The following ASAP1 variants were observed in gnomAD, a reference collection of about 807,000 sequenced individuals.
The protein encoded by ASAP1 is arf-GAP with SH3 domain, ANK repeat and PH domain-containing protein 1.
A neutral mutation model predicts 145.2 loss-of-function variants in ASAP1; 43 were observed. The ratio of observed to expected loss-of-function variants is 0.30; its 90% CI spans 0.23 to 0.38. The LOEUF is 0.38. Among genes scored for constraint, ASAP1 ranks in the 10% least tolerant of loss-of-function variants. The pLI is 1.00. For missense variants in ASAP1, 1,018 were observed against 1,355.3 expected (o/e 0.75, Z 3.91); for synonymous variants, 546 against 515.5 (o/e 1.06, Z -0.80).
In ASAP1 at chr8:130,358,169, G is replaced by A. The variant is rs760643749; in HGVS notation, c.60-26C>T. On this transcript the variant is annotated intron_variant, in intron 2 of 29. Coordinates refer to ENST00000518721, the MANE Select transcript of ASAP1 (RefSeq NM_018482.4). The surrounding 1 kb of genome is among the most constrained non-coding windows in gnomAD (Gnocchi z 4.1). Reference sequence around the variant, plus strand: ...CTGCCGGGAGGGACGAGACACAAGCGGGGGCGGGGGGTGAGTCACGGCGCA... The same window carrying A: ...CTGCCGGGAGGGACGAGACACAAGCAGGGGCGGGGGGTGAGTCACGGCGCA... 3.4e-5 allele frequency: 54 copies of A among 1,582,460 alleles called. No homozygotes were observed. In the Admixed American group the frequency reaches 8.8e-4, roughly 26 times the overall value.
chr8:130,367,269 G>A (rs1827002654), intron 2 of ASAP1, among the ~76,000 whole-genome samples: 1 of 152,108 alleles, frequency 6.6e-6, no homozygotes, highest in Non-Finnish European at 1.5e-5. Context: ...TATGTAGGCA[G>A]AGATACTGGT....
At chr8:130,236,861 T>C (rs1264838525) in intron 4 of ASAP1, 61 bp downstream of exon 4, 6 of 1,230,412 alleles carry the variant, frequency 4.9e-6, no homozygotes, top group Non-Finnish European at 6.8e-6. Flanking sequence ...TTTAAATAAC[T>C]AACAAAACTC....
chr8:130,054,642 C>T lies in ASAP1; in HGVS notation c.*89G>A, dbSNP rs1244946590. On this transcript the variant is annotated 3_prime_UTR_variant, in exon 30 of 30. Transcript: ENST00000518721. Reference sequence around the variant, plus strand: ...CTTCCATGAGTTTCTTACTCTGTAACAGCAGCTATATACACACTGTGCCCA... The same window carrying T: ...CTTCCATGAGTTTCTTACTCTGTAATAGCAGCTATATACACACTGTGCCCA... 2 of 1,115,502 alleles carry T rather than the reference C, an allele frequency of 1.8e-6. No individual in the cohort carries two copies. Among genetic ancestry groups the T allele is most frequent in the Admixed American group, 3.4e-5 (2 of 58,106 alleles). 69.1% of individuals were successfully genotyped at this position (1,115,502 alleles called of 1,614,324 possible).
intron 3 of ASAP1, among the ~76,000 whole-genome samples, chr8:130,353,977 C>G (rs1449013629): frequency 2.0e-5 from 3 of 152,102 alleles, no homozygotes; most frequent in African/African-American, 7.2e-5. Flanking sequence ...AGCTCCGTCT[C>G]CCGGGTTCAT....
chr8:130,163,341 C>T (rs543380714), intron 11 of ASAP1, among the ~76,000 whole-genome samples: 174 of 152,256 alleles, frequency 1.1e-3, no homozygotes, highest in Non-Finnish European at 2.2e-3. Flanking sequence ...TAAGACGTTC[C>T]TTATATATTT....
At chr8:130,390,848 T>G (rs1586959326) in intron 2 of ASAP1, among the ~76,000 whole-genome samples, 2 of 151,932 alleles carry the variant, frequency 1.3e-5, no homozygotes, top group East Asian at 3.9e-4. Context: ...GTACAGAATG[T>G]AAAATGGAAA....
At position 130,060,075 on chromosome 8, in the gene ASAP1, C is replaced by CAAAAA. The variant is rs55875346; in HGVS notation, c.3192+499_3192+503dup. On this transcript the variant is annotated intron_variant, in intron 28 of 29. Transcript: ENST00000518721. ...CCTGGGCGACAGAGCGAGCCCTTCT[C>CAAAAA]AAAAAAAAAAAAAAAAAAAAAAAAA... Among the ~76,000 whole-genome samples, 51 of 95,898 alleles carry CAAAAA rather than the reference C, an allele frequency of 5.3e-4. 1 individual carries two copies. The highest frequency in any genetic ancestry group is 1.6e-3 in the African/African-American group (40 of 25,338). The allele number at this position is 95,898 out of a possible 152,430, so 62.9% of individuals were successfully genotyped here.
At chr8:130,074,356 T>C (rs549690652) in intron 27 of ASAP1, among the ~76,000 whole-genome samples, 2 of 151,934 alleles carry the variant, frequency 1.3e-5, no homozygotes, top group East Asian at 3.9e-4. Context: ...AGTATGTGGG[T>C]GTGGTGGAGG....
At chr8:130,182,552 A>T (rs1419051080) in intron 7 of ASAP1, among the ~76,000 whole-genome samples, 2 of 152,198 alleles carry the variant, frequency 1.3e-5, no homozygotes, top group Non-Finnish European at 2.9e-5. Context: ...TAAAACTTGA[A>T]ACCTAAAAAG....
At chr8:130,372,042 T>G (rs144160367) in intron 2 of ASAP1, among the ~76,000 whole-genome samples, 1 of 152,352 alleles carries the variant, frequency 6.6e-6, no homozygotes, top group Non-Finnish European at 1.5e-5. Flanking sequence ...GGCTTAGGGA[T>G]CCTACTGAAT....
chr8:130,124,096 C>T lies in ASAP1; in HGVS notation c.1524G>A (p.Lys508=). The T allele has an allele frequency of 6.2e-7, 1 of 1,602,182 alleles. No homozygotes were observed. The highest frequency in any genetic ancestry group is 8.5e-7 in the Non-Finnish European group (1 of 1,176,724). ...CATTAAAACTATTGTTTCCTACATT[C>T]TTGGCCAGCTGTAACAGAAAAAACA... The part of the protein sequence containing the change: ...KLGTSELLLA[K]NVGNNSFNDI... Residue 508 remains lysine (K), a synonymous_variant, in exon 18 of 30, where the codon AAG becomes AAA. Coordinates refer to ENST00000518721, the MANE Select transcript of ASAP1 (RefSeq NM_018482.4).
At chr8:130,380,270 A>G (rs80327396) in intron 2 of ASAP1, among the ~76,000 whole-genome samples, 2,631 of 152,334 alleles carry the variant, frequency 0.017, 39 homozygotes, top group East Asian at 0.052. Context: ...GGGAGATGCT[A>G]GAGAACACAC....
intron 3 of ASAP1, among the ~76,000 whole-genome samples, chr8:130,317,187 C>A (rs1823717221): frequency 6.6e-6 from 1 of 151,520 alleles, no homozygotes. Context: ...AAATAATGTG[C>A]AAAAGCTGTG....
At chr8:130,194,259 A>G (rs1348261041) in intron 5 of ASAP1, among the ~76,000 whole-genome samples, 2 of 152,218 alleles carry the variant, frequency 1.3e-5, no homozygotes, top group Non-Finnish European at 2.9e-5. Context: ...CCAGCAACGA[A>G]AATTTTAAGT....
intron 9 of ASAP1, among the ~76,000 whole-genome samples, chr8:130,169,646 T>G (rs1219103591): frequency 6.6e-6 from 1 of 152,202 alleles, no homozygotes; most frequent in Non-Finnish European, 1.5e-5. Flanking sequence ...TTGCATGACT[T>G]CACCTGAAAA....
At chr8:130,262,418 G>A (rs1004320595) in intron 3 of ASAP1, among the ~76,000 whole-genome samples, 618 of 29,284 alleles carry the variant, frequency 0.021, 5 homozygotes, top group East Asian at 0.034. Context: ...AAAAAAAAAA[G>A]AGAGAGAGAG....
At position 130,169,076 on chromosome 8, in the gene ASAP1, A is replaced by T. The variant is rs761073757; in HGVS notation, c.747-9T>A. On this transcript the variant is annotated splice_polypyrimidine_tract_variant and intron_variant, in intron 9 of 29. Transcript: ENST00000518721. ...AGCCATCTTGAAAGAAACTACAATT[A>T]AAAAAATCAGAGATTTACCACCAGT... 33 of 1,532,674 alleles carry T rather than the reference A, an allele frequency of 2.2e-5. No homozygotes were observed. Among genetic ancestry groups the T allele is most frequent in the South Asian group, 3.7e-5 (3 of 81,184 alleles). The allele number at this position is 1,532,674 out of a possible 1,614,324, so 94.9% of individuals were successfully genotyped here.
intron 24 of ASAP1, among the ~76,000 whole-genome samples, chr8:130,096,752 C>CTG (rs2097518698): frequency 6.6e-6 from 1 of 152,090 alleles, no homozygotes; most frequent in Non-Finnish European, 1.5e-5. Context: ...TGCCCTTAAA[C>CTG]AGAGATGGAT....
At chr8:130,346,772 T>TA (rs879628079) in intron 3 of ASAP1, among the ~76,000 whole-genome samples, 4,017 of 152,308 alleles carry the variant, frequency 0.026, 64 homozygotes, top group Middle Eastern at 0.044. Flanking sequence ...TGAAAAATAT[T>TA]ACTATTATTA....
Sources: allele counts gnomAD v4.1 joint callset (sites outside exome capture counted in the v4.1 genomes callset), GRCh38; gene constraint gnomAD v4.1.1; non-coding constraint Gnocchi (gnomAD v3.1); transcripts MANE v1.5; gene names NCBI Gene and HGNC (gene_info 2026-07-23, HGNC 2026-07-21).